Variants in TCAIM observed in about 807,000 individuals in gnomAD.
The protein encoded by TCAIM is T-cell activation inhibitor, mitochondrial.
A neutral mutation model predicts 58.6 loss-of-function variants in TCAIM; 36 were observed. That is an observed-to-expected ratio of 0.61 (90% CI 0.47 to 0.81). The LOEUF is 0.81. Ranked by LOEUF, TCAIM falls within the 30% of genes least tolerant of loss-of-function variation. TCAIM has a pLI of 0.00. For synonymous variants in TCAIM, 172 were observed against 193.6 expected, an observed-to-expected ratio of 0.89 and a Z score of 0.93; for missense variants, 466 against 579.6, an observed-to-expected ratio of 0.80 and a Z score of 2.01.
chr3:44,403,054 A>G (rs1178659772), intron 10 of TCAIM, among the ~76,000 whole-genome samples: 1 of 152,166 alleles, frequency 6.6e-6, no homozygotes, highest in Non-Finnish European at 1.5e-5. Flanking sequence ...GGATCACTTG[A>G]GGTCAGGAGT....
In TCAIM at chr3:44,363,920, CTTTTTTTTTT is replaced by C. The variant is rs56361211; in HGVS notation, c.319+2420_319+2429del. Among the ~76,000 whole-genome samples, 5 of 67,390 alleles carry C rather than the reference CTTTTTTTTTT, an allele frequency of 7.4e-5. 1 individual carries two copies. The highest frequency in any genetic ancestry group is 1.0e-4 in the Non-Finnish European group (4 of 38,296). The allele number at this position is 67,390 out of a possible 152,430, so 44.2% of individuals were successfully genotyped here. A position where few individuals can be genotyped will look rare whatever the true frequency, so the allele number is the denominator to read the frequency against. ...CAACTGGACAACACAGCAAGTCTGT[CTTTTTTTTTT>C]TTTTTTTTTTTTTTTTTCATACGGA... On this transcript the variant is annotated intron_variant, in intron 4 of 10. Coordinates refer to ENST00000342649, the MANE Select transcript of TCAIM (RefSeq NM_173826.4).
chr3:44,348,780 G>A (rs968947565), intron 1 of TCAIM, among the ~76,000 whole-genome samples: 11 of 152,152 alleles, frequency 7.2e-5, no homozygotes, highest in South Asian at 2.1e-4. Context: ...GCAGTAAAGC[G>A]TCTAAAGGTT....
In TCAIM at chr3:44,407,463, A is replaced by T; in HGVS notation, c.1272A>T (p.Glu424Asp). 2.6e-6 allele frequency: 4 copies of T among 1,560,428 alleles called. No individual in the cohort carries two copies. The highest frequency in any genetic ancestry group is 3.5e-6 in the Non-Finnish European group (4 of 1,135,454). ...RKEELKVIEN[E>D]LIQASTKKFS... ...ATAGGTTAAAGGTTATTGAAAATGA[A>T]TTGATACAGGCATCAACAAAGAAAT... Residue 424 changes from glutamate to aspartate, a missense_variant, in exon 11 of 11, where the codon GAA (glutamate) becomes GAT (aspartate). Physicochemically the swap from Glu to Asp is conservative, Grantham distance 45. Transcript: ENST00000342649.
At chr3:44,372,072 A>AGGAG (rs1432103770) in intron 5 of TCAIM, among the ~76,000 whole-genome samples, 1 of 138,490 alleles carries the variant, frequency 7.2e-6, no homozygotes, top group East Asian at 2.0e-4. Context: ...GAAGGAAGGA[A>AGGAG]GGAAGATACA....
At position 44,400,570 on chromosome 3, in the gene TCAIM, A is replaced by G; in HGVS notation, c.1101A>G (p.Leu367=). 6.2e-7 allele frequency: 1 copy of G among 1,613,122 alleles called. No homozygotes were observed. The highest frequency in any genetic ancestry group is 8.5e-7 in the Non-Finnish European group (1 of 1,179,462). ...TTCACCCTCGAAGTTTGCGTGGTTT[A>G]CAAATGATCCTTAACAGGTAAATAT... ...ILFHPRSLRG[L]QMILNSDRYA... The change falls in exon 9 of 11, where the codon TTA becomes TTG. Residue 367 remains leucine, a synonymous_variant. Transcript: ENST00000342649.
rs936443279 is a variant in TCAIM at position 44,359,090 on chromosome 3, T to G, written c.165+1214T>G. 7.1e-6 allele frequency: 7 copies of G among 981,966 alleles called. No individual in the cohort carries two copies. The African/African-American group carries it at 1.0e-4, about 15-fold the overall frequency. 60.8% of individuals were successfully genotyped at this position (981,966 alleles called of 1,614,324 possible). ...ATTCTACCAATGTATTTTTTTTAAT[T>G]AAGACTTCTGTATGCAGCAGGGCAT... is the stretch of plus-strand genomic sequence containing the variant. On this transcript the variant is annotated intron_variant, in intron 3 of 10. Transcript: ENST00000342649.
rs11540403 is a variant in TCAIM at position 44,338,768 on chromosome 3, T to C, written c.-111T>C. On this transcript the variant is annotated 5_prime_UTR_variant, in exon 1 of 11. Transcript: ENST00000342649. ...TGCGGGCGGAGCGACTGTCCTCCCTTCTGGTGTACTGGGTGGGAGGTGGAA... is the reference window on the plus strand; with the variant it reads ...TGCGGGCGGAGCGACTGTCCTCCCTCCTGGTGTACTGGGTGGGAGGTGGAA... 27,505 of 152,288 alleles carry C rather than the reference T, an allele frequency of 0.18. 2,735 individuals are homozygous for C. The highest frequency in any genetic ancestry group is 0.29 in the Middle Eastern group (86 of 294). 9.4% of individuals were successfully genotyped at this position (152,288 alleles called of 1,614,324 possible).
At chr3:44,391,788 A>T (rs1701840123) in intron 5 of TCAIM, among the ~76,000 whole-genome samples, 2 of 152,104 alleles carry the variant, frequency 1.3e-5, no homozygotes, top group Admixed American at 1.3e-4. Flanking sequence ...CAGGGTAGTA[A>T]TATCCAAGAC....
intron 3 of TCAIM, chr3:44,358,203 T>C (rs201221161): frequency 8.0e-6 from 12 of 1,496,612 alleles, no homozygotes; most frequent in South Asian, 3.7e-5. Context: ...CTCTCTCTCT[T>C]TTTTTTTTTT....
At chr3:44,350,984 C>A (rs1218020601) in intron 1 of TCAIM, among the ~76,000 whole-genome samples, 2 of 152,122 alleles carry the variant, frequency 1.3e-5, no homozygotes, top group Non-Finnish European at 2.9e-5. Flanking sequence ...TTCAAATAGT[C>A]CAAATTTTTT....
chr3:44,392,767 A>T, intron 5 of TCAIM, 88 bp from the exon 6 acceptor site: 1 of 1,263,196 alleles, frequency 7.9e-7, no homozygotes, highest in Non-Finnish European at 1.1e-6. Context: ...TGCTATTGTG[A>T]ATATGCAAGT....
chr3:44,393,686 G>A (rs975752365), intron 6 of TCAIM, among the ~76,000 whole-genome samples: 14 of 152,018 alleles, frequency 9.2e-5, no homozygotes, highest in African/African-American at 3.1e-4. Context: ...ACTTTGGGAG[G>A]CCAAGGCAGG....
intron 3 of TCAIM, chr3:44,358,256 T>C (rs1296601294): frequency 7.2e-7 from 1 of 1,386,148 alleles, no homozygotes; most frequent in East Asian, 2.3e-5. Flanking sequence ...TAGTGATTTT[T>C]CCTTATGATG....
intron 5 of TCAIM, among the ~76,000 whole-genome samples, chr3:44,387,464 C>T (rs1037658269): frequency 6.6e-6 from 1 of 152,246 alleles, no homozygotes; most frequent in African/African-American, 2.4e-5. Flanking sequence ...CCCCACGGTT[C>T]CTGGTGTTTC....
chr3:44,383,812 A>C (rs1701692369), intron 5 of TCAIM, among the ~76,000 whole-genome samples: 1 of 22,546 alleles, frequency 4.4e-5, no homozygotes, highest in South Asian at 3.9e-3. Flanking sequence ...GTCTCTACAA[A>C]AAAAAAAAAA....
chr3:44,400,944 C>G, intron 9 of TCAIM: 1 of 497,018 alleles, frequency 2.0e-6, no homozygotes, highest in Non-Finnish European at 3.6e-6. Flanking sequence ...CTGTCTTTAG[C>G]TCTCACAACC....
intron 5 of TCAIM, among the ~76,000 whole-genome samples, chr3:44,371,581 A>G (rs1701470727): frequency 6.6e-6 from 1 of 152,174 alleles, no homozygotes; most frequent in East Asian, 1.9e-4. Context: ...CTTTACCAGC[A>G]TGTCTTACAG....
At chr3:44,388,290 C>T (rs1701776487) in intron 5 of TCAIM, among the ~76,000 whole-genome samples, 1 of 152,116 alleles carries the variant, frequency 6.6e-6, no homozygotes. Context: ...AATCCCAAAT[C>T]GTGAGCCACA....
chr3:44,390,303 G>A (rs1015487755), intron 5 of TCAIM, among the ~76,000 whole-genome samples: 23 of 152,132 alleles, frequency 1.5e-4, no homozygotes, highest in Admixed American at 6.5e-5. Flanking sequence ...CCTAGCACTC[G>A]CTTCAGCAGT....
Sources: allele counts gnomAD v4.1 joint callset (sites outside exome capture counted in the v4.1 genomes callset), GRCh38; gene constraint gnomAD v4.1.1; transcripts MANE v1.5; gene names NCBI Gene and HGNC (gene_info 2026-07-23, HGNC 2026-07-21).